INPP5F: variants seen among roughly 807,000 people sequenced by gnomAD.
The protein encoded by INPP5F is inositol polyphosphate-5-phosphatase F, also known as phosphatidylinositide 4-phosphatase SAC2.
A neutral mutation model predicts 137.2 loss-of-function variants in INPP5F; 97 were observed. The ratio of observed to expected loss-of-function variants is 0.71; its 90% CI spans 0.60 to 0.84. The LOEUF is 0.84. Ranked by LOEUF, INPP5F falls within the 40% of genes least tolerant of loss-of-function variation. INPP5F has a pLI of 0.00. For synonymous variants in INPP5F, 504 were observed against 476.9 expected (o/e 1.06, Z -0.74); for missense variants, 1,271 against 1,371.9 (o/e 0.93, Z 1.16).
intron 15 of INPP5F, chr10:119,815,391 TGTG>T (rs10593766): frequency 0.34 from 51,206 of 152,534 alleles, 9,004 homozygotes; most frequent in South Asian, 0.42. Context: ...TCTTCTTCCT[TGTG>T]GTCATTGGTA....
At chr10:119,743,867 A>G (rs1848448605) in intron 1 of INPP5F, among the ~76,000 whole-genome samples, 1 of 152,222 alleles carries the variant, frequency 6.6e-6, no homozygotes, top group Admixed American at 6.5e-5. Context: ...AAATAAAACC[A>G]GTTATTACGT....
At chr10:119,785,250 G>T (rs1016133605) in intron 3 of INPP5F, among the ~76,000 whole-genome samples, 17 of 144,212 alleles carry the variant, frequency 1.2e-4, no homozygotes, top group African/African-American at 3.8e-4. Context: ...GGGTCATATG[G>T]TAACTCTATC....
At position 119,791,308 on chromosome 10, in the gene INPP5F, C is replaced by T. The variant is rs571730163; in HGVS notation, c.316-209C>T. On this transcript the variant is annotated intron_variant, in intron 3 of 19. Coordinates refer to ENST00000650623, the MANE Select transcript of INPP5F (RefSeq NM_014937.4). ...CCTCTAAATCCTAAGTATATCCTGC[C>T]CTGTATTCTTTGTGTTTTATCCTCT... Among the ~76,000 whole-genome samples the T allele has an allele frequency of 1.2e-4, 18 of 152,272 alleles. No homozygotes were observed. In the South Asian group the frequency reaches 2.3e-3, roughly 19 times the overall value.
intron 15 of INPP5F, chr10:119,819,702 T>A: frequency 2.3e-6 from 1 of 432,024 alleles, no homozygotes; most frequent in East Asian, 3.6e-5. Context: ...CATCTCATTA[T>A]GTCATTTGCT....
Position 119,791,857 on chromosome 10 carries a change from A to T in INPP5F, c.445-12A>T. 1 of 1,564,442 alleles carries T rather than the reference A, an allele frequency of 6.4e-7. No individual in the cohort carries two copies. Among genetic ancestry groups the T allele is most frequent in the South Asian group, 1.2e-5 (1 of 85,534 alleles). On this transcript the variant is annotated splice_polypyrimidine_tract_variant and intron_variant, in intron 4 of 19. Transcript: ENST00000650623. ...TTAATTTCTGTAGTAATAGTAGATT[A>T]ATTTCTTATAGGTTAAGGAAAGTAA... is the stretch of plus-strand genomic sequence containing the variant.
In INPP5F at chr10:119,796,924, G is replaced by A. The variant is rs779777503; in HGVS notation, c.868+11G>A. 6.2e-7 allele frequency: 1 copy of A among 1,606,662 alleles called. No homozygotes were observed. ...GTAGGCACAGAGCAGGTGAGTGGAG[G>A]GCTGTAATAGCATTCAAATCAAATC... On this transcript the variant is annotated intron_variant, in intron 7 of 19. Coordinates refer to ENST00000650623, the MANE Select transcript of INPP5F (RefSeq NM_014937.4).
At chr10:119,743,372 C>T (rs141348676) in intron 1 of INPP5F, among the ~76,000 whole-genome samples, 100 of 152,278 alleles carry the variant, frequency 6.6e-4, no homozygotes, top group African/African-American at 2.2e-3. Context: ...TCCTCTTCCT[C>T]ATGAGTTCCT....
chr10:119,829,079 GCTAT>G lies in INPP5F; in HGVS notation c.*1302_*1305del, dbSNP rs774312075. ...CATTCCACTTTTGTTATTTATTAGT[GCTAT>G]CTTTTTTTTTTACGTGTTAAATCTT... On this transcript the variant is annotated 3_prime_UTR_variant, in exon 20 of 20. Coordinates refer to ENST00000650623, the MANE Select transcript of INPP5F (RefSeq NM_014937.4). 16 of 152,402 alleles carry G rather than the reference GCTAT, an allele frequency of 1.0e-4. No homozygotes were observed. The highest frequency in any genetic ancestry group is 3.4e-3 in the Middle Eastern group (1 of 294). The allele number at this position is 152,402 out of a possible 1,614,324, so 9.4% of individuals were successfully genotyped here.
intron 3 of INPP5F, among the ~76,000 whole-genome samples, chr10:119,789,661 A>C (rs1284381869): frequency 6.6e-6 from 1 of 151,962 alleles, no homozygotes; most frequent in African/African-American, 2.4e-5. Flanking sequence ...TCCCAGTGGA[A>C]ATGTTGGGAT....
At position 119,743,659 on chromosome 10, in the gene INPP5F, CGG is replaced by C. The variant is rs71019711; in HGVS notation, c.98-7408_98-7407del. 8.0e-3 allele frequency among the ~76,000 whole-genome samples: 256 copies of C among 31,846 alleles called. 7 individuals are homozygous for C. In the South Asian group the frequency reaches 0.12, roughly 15 times the overall value. The allele number at this position is 31,846 out of a possible 152,430, so 20.9% of individuals were successfully genotyped here. On this transcript the variant is annotated intron_variant, in intron 1 of 19. Transcript: ENST00000650623. ...AGGCTAGGTTGCTGGGGGCGGGGGG[CGG>C]GGGGGGGGATGGAAAGGACTAGCCT...
intron 1 of INPP5F, among the ~76,000 whole-genome samples, chr10:119,741,190 A>G (rs984352311): frequency 6.6e-6 from 1 of 152,194 alleles, no homozygotes; most frequent in African/African-American, 2.4e-5. Context: ...CCAGTTCTAC[A>G]GTCAGCCCCA....
intron 15 of INPP5F, chr10:119,819,386 CTG>C: frequency 1.5e-6 from 2 of 1,372,370 alleles, no homozygotes; most frequent in Non-Finnish European, 1.9e-6. Flanking sequence ...ATGTTTTTGA[CTG>C]GGGATCATGT....
intron 9 of INPP5F, among the ~76,000 whole-genome samples, chr10:119,802,902 T>C (rs1850642308): frequency 1.3e-5 from 2 of 152,226 alleles, no homozygotes; most frequent in Non-Finnish European, 2.9e-5. Context: ...TGCCTAGGTA[T>C]AGGTGAAAAC....
chr10:119,819,509 C>T (rs1851461844), intron 15 of INPP5F: 2 of 1,605,062 alleles, frequency 1.2e-6, no homozygotes, highest in East Asian at 2.2e-5. Flanking sequence ...ATTTTTATGG[C>T]TTGGCTCAAG....
Position 119,819,807 on chromosome 10 carries a change from A to G in INPP5F, c.1887-1039A>G, listed in dbSNP as rs144515854. 2.0e-5 allele frequency: 6 copies of G among 306,860 alleles called. No individual in the cohort carries two copies. The East Asian group carries it at 3.3e-4, about 17-fold the overall frequency. 19.0% of individuals were successfully genotyped at this position (306,860 alleles called of 1,614,324 possible). ...CTCAAGCTACAACGAGGTGTCTCTG[A>G]TGTAAAAAACTGCAGTTTAAGATTA... On this transcript the variant is annotated intron_variant, in intron 15 of 19. Coordinates refer to ENST00000650623, the MANE Select transcript of INPP5F (RefSeq NM_014937.4).
chr10:119,805,785 G>C (rs1357785822), intron 11 of INPP5F, among the ~76,000 whole-genome samples: 1 of 152,180 alleles, frequency 6.6e-6, no homozygotes, highest in Non-Finnish European at 1.5e-5. Flanking sequence ...CAGGAAGGAA[G>C]TCTTAGAGGT....
intron 1 of INPP5F, among the ~76,000 whole-genome samples, chr10:119,729,808 C>T (rs956579706): frequency 6.6e-6 from 1 of 150,496 alleles, no homozygotes; most frequent in Non-Finnish European, 1.5e-5. Context: ...TGATCTTGGC[C>T]TCCTGGGCTC....
chr10:119,735,104 G>A (rs1848183108), intron 1 of INPP5F, among the ~76,000 whole-genome samples: 1 of 152,178 alleles, frequency 6.6e-6, no homozygotes, highest in African/African-American at 2.4e-5. Flanking sequence ...AGACATACTG[G>A]TAGTACCTTA....
Position 119,826,761 on chromosome 10 carries a change from A to G in INPP5F, c.2380A>G (p.Asn794Asp). Reference protein sequence around the residue: ...LNQKVKQTKSNVNIGNLRKLG... With the variant: ...LNQKVKQTKSDVNIGNLRKLG... Reference sequence around the variant, plus strand: ...TCAAAAAGTGAAGCAGACCAAATCCAATGTAAATATTGGCAACCTCCGAAA... The same window carrying G: ...TCAAAAAGTGAAGCAGACCAAATCCGATGTAAATATTGGCAACCTCCGAAA... The change falls in exon 20 of 20, where the codon AAT becomes GAT. Residue 794 changes from asparagine to aspartate, a missense_variant. By Grantham distance (23) the Asn-to-Asp change is conservative. This residue lies in a region of INPP5F where 490 missense variants were observed against 443.7 expected (regional missense o/e 1.10). Coordinates refer to ENST00000650623, the MANE Select transcript of INPP5F (RefSeq NM_014937.4). 3 of 1,613,980 alleles carry G rather than the reference A, an allele frequency of 1.9e-6. No homozygotes were observed. The highest frequency in any genetic ancestry group is 2.5e-6 in the Non-Finnish European group (3 of 1,179,980).
Sources: allele counts gnomAD v4.1 joint callset (sites outside exome capture counted in the v4.1 genomes callset), GRCh38; gene constraint gnomAD v4.1.1; regional missense constraint gnomAD v4.1.1; transcripts MANE v1.5; gene names NCBI Gene and HGNC (gene_info 2026-07-23, HGNC 2026-07-21).